ARHGAP32: variants seen among roughly 807,000 people sequenced by gnomAD.
ARHGAP32 encodes the protein rho GTPase-activating protein 32.
ARHGAP32 carries 51 observed loss-of-function variants against 186.5 expected under a neutral mutation model. The ratio of observed to expected loss-of-function variants is 0.27; its 90% CI spans 0.22 to 0.35. The LOEUF is 0.35. ARHGAP32 is among the 10% of genes least tolerant of loss of function. The pLI is 1.00. For missense variants in ARHGAP32, 2,186 were observed against 2,623.5 expected (o/e 0.83, Z 3.64); for synonymous variants, 950 against 964.3 (o/e 0.99, Z 0.27).
At chr11:129,086,648 T>C (rs139507066) in intron 6 of ARHGAP32, among the ~76,000 whole-genome samples, 12,977 of 151,904 alleles carry the variant, frequency 0.085, 627 homozygotes, top group Middle Eastern at 0.099. Flanking sequence ...GGTGAAACCC[T>C]GTCTCTACTA....
intron 12 of ARHGAP32, among the ~76,000 whole-genome samples, chr11:128,989,162 T>C (rs1045136808): frequency 1.3e-5 from 2 of 152,182 alleles, no homozygotes; most frequent in Non-Finnish European, 2.9e-5. Context: ...TCCTTGGTTT[T>C]CCTGACTTTT....
intron 10 of ARHGAP32, among the ~76,000 whole-genome samples, chr11:129,046,509 C>T (rs1286031592): frequency 1.3e-5 from 2 of 152,120 alleles, no homozygotes; most frequent in Non-Finnish European, 2.9e-5. Context: ...GGCTCACCCT[C>T]TGACTCTAGG....
At chr11:129,093,728 AAG>A in intron 5 of ARHGAP32, 21 bp from the exon 6 acceptor site, 4 of 1,500,948 alleles carry the variant, frequency 2.7e-6, no homozygotes, top group Non-Finnish European at 3.7e-6. Context: ...GAAAAAAAAG[AAG>A]AGGGGGAAAG....
At chr11:129,077,850 C>G (rs1386951745) in intron 6 of ARHGAP32, among the ~76,000 whole-genome samples, 1 of 152,242 alleles carries the variant, frequency 6.6e-6, no homozygotes, top group African/African-American at 2.4e-5. Flanking sequence ...AAAGCGCCAC[C>G]GCCTGGCTGG....
chr11:129,089,118 T>C (rs1180429683), intron 6 of ARHGAP32, among the ~76,000 whole-genome samples: 1 of 148,578 alleles, frequency 6.7e-6, no homozygotes, highest in Non-Finnish European at 1.5e-5. Flanking sequence ...GAGAAAAAAA[T>C]ATCCCAACAT....
chr11:129,026,459 C>T (rs143312435), intron 11 of ARHGAP32, among the ~76,000 whole-genome samples: 333 of 152,196 alleles, frequency 2.2e-3, no homozygotes, highest in Admixed American at 3.5e-3. Context: ...GGAGAATTCA[C>T]TGGAAAAGGA....
intron 12 of ARHGAP32, chr11:128,993,463 A>G (rs564790915): frequency 3.2e-4 from 48 of 151,950 alleles, no homozygotes; most frequent in African/African-American, 1.1e-3. Context: ...TATATGATAT[A>G]TATCAATATT....
intron 2 of ARHGAP32, among the ~76,000 whole-genome samples, chr11:129,133,374 A>G (rs1223203058): frequency 6.6e-6 from 1 of 152,218 alleles, no homozygotes; most frequent in Non-Finnish European, 1.5e-5. Flanking sequence ...TCTGAAAACA[A>G]TACAAATTTA....
intron 1 of ARHGAP32, among the ~76,000 whole-genome samples, chr11:129,252,556 G>A (rs751567671): frequency 1.3e-5 from 2 of 152,152 alleles, no homozygotes; most frequent in East Asian, 1.9e-4. Context: ...AGAAGCAAGC[G>A]ATTAGATATA....
chr11:129,174,134 G>C (rs562593754), intron 1 of ARHGAP32, among the ~76,000 whole-genome samples: 1 of 152,208 alleles, frequency 6.6e-6, no homozygotes, highest in African/African-American at 2.4e-5. Flanking sequence ...CTCGGGAAGC[G>C]CAGAGGGTCA....
At chr11:129,034,280 C>T (rs10893952) in intron 11 of ARHGAP32, among the ~76,000 whole-genome samples, 34,002 of 152,068 alleles carry the variant, frequency 0.22, 3,979 homozygotes, top group African/African-American at 0.27. Context: ...TGTTTCATCA[C>T]CTTATCACAA....
intron 1 of ARHGAP32, among the ~76,000 whole-genome samples, chr11:129,227,132 G>C (rs7939579): frequency 6.6e-6 from 1 of 151,912 alleles, no homozygotes. Context: ...GGAAGGGAAG[G>C]CACTATATGG....
intron 1 of ARHGAP32, among the ~76,000 whole-genome samples, chr11:129,263,235 A>G (rs1945347789): frequency 6.6e-6 from 1 of 152,182 alleles, no homozygotes; most frequent in African/African-American, 2.4e-5. Flanking sequence ...AATAAACTAG[A>G]CAACATTAAT....
intron 5 of ARHGAP32, among the ~76,000 whole-genome samples, chr11:129,105,647 G>C (rs558344920): frequency 2.6e-5 from 4 of 151,984 alleles, no homozygotes; most frequent in African/African-American, 9.6e-5. Flanking sequence ...CATGAACAAT[G>C]AAAAAAATCA....
rs894490270 is a variant in ARHGAP32 at position 129,210,724 on chromosome 11, T to C, written c.-4-46297A>G. ...ATTATGCAATTAACCACTCAACTAT[T>C]TCCCGAAATGATCACTAACCAAGTA... On this transcript the variant is annotated intron_variant, in intron 1 of 6. Transcript: ENST00000525234. Among the ~76,000 whole-genome samples, 3 of 152,194 alleles carry C rather than the reference T, an allele frequency of 2.0e-5. No homozygotes were observed. The East Asian group carries it at 5.8e-4, about 29-fold the overall frequency.
intron 5 of ARHGAP32, among the ~76,000 whole-genome samples, chr11:129,108,313 T>C (rs1565426103): frequency 6.6e-6 from 1 of 152,174 alleles, no homozygotes; most frequent in Non-Finnish European, 1.5e-5. Context: ...AAAAACTATA[T>C]TCCGTGTAGA....
intron 2 of ARHGAP32, among the ~76,000 whole-genome samples, chr11:129,127,101 C>T (rs1283735602): frequency 6.6e-6 from 1 of 152,136 alleles, no homozygotes; most frequent in East Asian, 1.9e-4. Context: ...TGAAAACAAG[C>T]TCTTTGTGCT....
At chr11:128,974,063 G>A (rs1251566836) in intron 21 of ARHGAP32, 61 bp downstream of exon 21, 1 of 1,561,014 alleles carries the variant, frequency 6.4e-7, no homozygotes, top group Non-Finnish European at 8.7e-7. Flanking sequence ...AGGCACAGAT[G>A]GCACACAGGA....
At chr11:128,972,230 A>C in intron 22 of ARHGAP32, 1 of 344,526 alleles carries the variant, frequency 2.9e-6, no homozygotes. Flanking sequence ...GAGCAGGTAC[A>C]GTTAAGCTAT....
Sources: gnomAD v4.1 joint callset for allele counts (sites outside exome capture counted in the v4.1 genomes callset) on GRCh38, gnomAD v4.1.1 for gene constraint, MANE v1.5 for transcripts, NCBI Gene and HGNC (gene_info 2026-07-23, HGNC 2026-07-21) for gene names.